VSNL1: variants seen among roughly 807,000 people sequenced by gnomAD.
VSNL1 encodes the protein visinin-like protein 1.
A neutral mutation model predicts 20.4 loss-of-function variants in VSNL1; 6 were observed. The ratio of observed to expected loss-of-function variants is 0.29; its 90% CI spans 0.16 to 0.58. The LOEUF is 0.58. Ranked by LOEUF, VSNL1 falls within the 20% of genes least tolerant of loss-of-function variation. The pLI is 0.90. For missense variants in VSNL1, 100 were observed against 234.5 expected (o/e 0.43, Z 3.75); for synonymous variants, 93 against 86.4 (o/e 1.08, Z -0.42).
chr2:17,605,103 C>G (rs1664912888), intron 2 of VSNL1, among the ~76,000 whole-genome samples: 1 of 152,202 alleles, frequency 6.6e-6, no homozygotes, highest in African/African-American at 2.4e-5. Context: ...GATTCTGCAG[C>G]TGCCCAATGG....
chr2:17,622,549 A>G (rs1665397507), intron 2 of VSNL1, among the ~76,000 whole-genome samples: 1 of 76,118 alleles, frequency 1.3e-5, no homozygotes, highest in African/African-American at 5.2e-5. Flanking sequence ...AGAAAGAAAG[A>G]AAGAAAGAAA....
intron 2 of VSNL1, among the ~76,000 whole-genome samples, chr2:17,622,810 C>T (rs1665417577): frequency 6.6e-6 from 1 of 152,184 alleles, no homozygotes; most frequent in Non-Finnish European, 1.5e-5. Context: ...CTTCCTGCCT[C>T]ACAGATCAAA....
intron 2 of VSNL1, among the ~76,000 whole-genome samples, chr2:17,624,708 C>A (rs1572206492): frequency 6.6e-6 from 1 of 152,160 alleles, no homozygotes; most frequent in Non-Finnish European, 1.5e-5. Flanking sequence ...GTGGAATCCA[C>A]TCCCCTGAAG....
intron 2 of VSNL1, among the ~76,000 whole-genome samples, chr2:17,647,422 C>A (rs1666022536): frequency 6.6e-6 from 1 of 152,190 alleles, no homozygotes; most frequent in South Asian, 2.1e-4. Flanking sequence ...CAGCCCCACC[C>A]AGGCCCCTAA....
chr2:17,552,057 G>A (rs1663552279), intron 1 of VSNL1, among the ~76,000 whole-genome samples: 1 of 151,480 alleles, frequency 6.6e-6, no homozygotes, highest in Non-Finnish European at 1.5e-5. Flanking sequence ...AAAATTAGCA[G>A]GGCGTGGTGG....
chr2:17,563,692 T>C (rs2103350211), intron 1 of VSNL1, among the ~76,000 whole-genome samples: 1 of 152,152 alleles, frequency 6.6e-6, no homozygotes, highest in South Asian at 2.1e-4. Flanking sequence ...ATCGCACCAC[T>C]GCACTCCAGC....
intron 1 of VSNL1, chr2:17,541,552 G>A (rs1663285198): frequency 6.6e-6 from 1 of 152,170 alleles, no homozygotes; most frequent in South Asian, 2.1e-4. Flanking sequence ...ATGCTCTACT[G>A]CACTGTCGAT....
At chr2:17,585,103 G>T (rs1255203324) in intron 1 of VSNL1, among the ~76,000 whole-genome samples, 2 of 152,158 alleles carry the variant, frequency 1.3e-5, no homozygotes, top group African/African-American at 4.8e-5. Context: ...GATTCAGTCT[G>T]TGCCCCCTCC....
intron 1 of VSNL1, among the ~76,000 whole-genome samples, chr2:17,576,594 A>G (rs1302486352): frequency 6.6e-6 from 1 of 152,208 alleles, no homozygotes; most frequent in East Asian, 1.9e-4. Context: ...TGCCAGCATA[A>G]TCCTCTTCCC....
intron 1 of VSNL1, among the ~76,000 whole-genome samples, chr2:17,568,907 G>A (rs1664018034): frequency 6.6e-6 from 1 of 152,032 alleles, no homozygotes; most frequent in Non-Finnish European, 1.5e-5. Context: ...GGCATTAAAT[G>A]TGGCTGATGA....
At chr2:17,584,186 C>T (rs1157200168) in intron 1 of VSNL1, among the ~76,000 whole-genome samples, 5 of 152,016 alleles carry the variant, frequency 3.3e-5, no homozygotes, top group Non-Finnish European at 7.4e-5. Context: ...TTCCCTACTA[C>T]GCTAAGTCCA....
chr2:17,548,756 C>T (rs1458424038), intron 1 of VSNL1, among the ~76,000 whole-genome samples: 1 of 152,114 alleles, frequency 6.6e-6, no homozygotes, highest in Non-Finnish European at 1.5e-5. Flanking sequence ...CTAATTGGCT[C>T]ATAGTTAAAT....
chr2:17,590,964 T>C (rs1314806556), intron 1 of VSNL1, among the ~76,000 whole-genome samples: 1 of 152,224 alleles, frequency 6.6e-6, no homozygotes, highest in Non-Finnish European at 1.5e-5. Flanking sequence ...CTGGGGTTAA[T>C]TTATGTGTTA....
intron 1 of VSNL1, among the ~76,000 whole-genome samples, chr2:17,543,090 T>C (rs1663326526): frequency 6.6e-6 from 1 of 152,140 alleles, no homozygotes. Flanking sequence ...TCTCTAGGGG[T>C]CCCTTTTATA....
intron 1 of VSNL1, chr2:17,541,579 G>A (rs1233601374): frequency 6.6e-6 from 1 of 152,220 alleles, no homozygotes; most frequent in Non-Finnish European, 1.5e-5. Context: ...CGGAGTCACA[G>A]GCTCGGTCGC....
rs1048804403 is a variant in VSNL1 at position 17,587,555 on chromosome 2, A to G, written c.-5-4515A>G. ...AATCCTCTGCCTCTTCTGCTCTGGA[A>G]CCTGCTATCAAGACAGGGTAGGAAA... On this transcript the variant is annotated intron_variant, in intron 1 of 3. Coordinates refer to ENST00000295156, the MANE Select transcript of VSNL1 (RefSeq NM_003385.5). Among the ~76,000 whole-genome samples the G allele has an allele frequency of 2.0e-5, 3 of 151,962 alleles. No individual in the cohort carries two copies. The South Asian group carries it at 6.2e-4, about 32-fold the overall frequency.
chr2:17,595,919 C>T, intron 2 of VSNL1, among the ~76,000 whole-genome samples: 1 of 152,166 alleles, frequency 6.6e-6, no homozygotes, highest in East Asian at 1.9e-4. Context: ...ATTGTTGCTA[C>T]AGTTCAAGTA....
At chr2:17,646,373 C>T (rs1231391251) in intron 2 of VSNL1, among the ~76,000 whole-genome samples, 3 of 152,192 alleles carry the variant, frequency 2.0e-5, no homozygotes, top group Admixed American at 6.5e-5. Context: ...TTTATTTCCT[C>T]GGCTAACACT....
chr2:17,595,939 C>T (rs1558294042), intron 2 of VSNL1, among the ~76,000 whole-genome samples: 1 of 152,132 alleles, frequency 6.6e-6, no homozygotes, highest in Admixed American at 6.5e-5. Flanking sequence ...ATTTTGACTG[C>T]TGTATAACGT....
Sources: allele counts gnomAD v4.1 joint callset (sites outside exome capture counted in the v4.1 genomes callset), GRCh38; gene constraint gnomAD v4.1.1; transcripts MANE v1.5; gene names NCBI Gene and HGNC (gene_info 2026-07-23, HGNC 2026-07-21).